HARBI1: variants seen among roughly 807,000 people sequenced by gnomAD.
HARBI1 encodes the protein harbinger transposase derived 1.
HARBI1 carries 15 observed loss-of-function variants against 25.3 expected under a neutral mutation model. That is an observed-to-expected ratio of 0.59 (90% CI 0.40 to 0.91). The LOEUF (loss-of-function observed/expected upper bound fraction) is 0.91, where lower values mean the gene tolerates loss of function less well. Ranked by LOEUF, HARBI1 falls within the 40% of genes least tolerant of loss-of-function variation. The pLI is 0.00. For missense variants in HARBI1, 396 were observed against 445.8 expected (o/e 0.89, Z 1.01); for synonymous variants, 168 against 160.5 (o/e 1.05, Z -0.35).
chr11:46,611,435 G>C (rs897486044), intron 2 of HARBI1, among the ~76,000 whole-genome samples: 1 of 152,148 alleles, frequency 6.6e-6, no homozygotes, highest in Non-Finnish European at 1.5e-5. Flanking sequence ...ACCGGGCAGG[G>C]TGCAGTAGCT....
At chr11:46,614,624 G>C (rs2045306811) in intron 2 of HARBI1, among the ~76,000 whole-genome samples, 1 of 151,986 alleles carries the variant, frequency 6.6e-6, no homozygotes, top group Non-Finnish European at 1.5e-5. Context: ...TAATTGTTTT[G>C]GAGACAGGGT....
rs772850336 is a variant in HARBI1 at position 46,615,652 on chromosome 11, T to A, written c.586A>T (p.Ser196Cys). The A allele has an allele frequency of 6.2e-7, 1 of 1,614,120 alleles. No homozygotes were observed. The highest frequency in any genetic ancestry group is 8.5e-7 in the Non-Finnish European group (1 of 1,180,048). ...TGCAGCACAGCACAGTCCTGTAGGC[T>A]GCCGGGCCAGTTTGTCTCCACGGTC... is the stretch of plus-strand genomic sequence containing the variant. ...LMTVETNWPG[S>C]LQDCAVLQQS... Residue 196 changes from serine (S) to cysteine (C), a missense_variant, in exon 2 of 3, where the codon AGC (serine) becomes TGC (cysteine). By Grantham distance (112) the Ser-to-Cys change is moderately radical. Coordinates refer to ENST00000326737, the MANE Select transcript of HARBI1 (RefSeq NM_173811.4).
intron 2 of HARBI1, among the ~76,000 whole-genome samples, chr11:46,613,934 G>A (rs1476622762): frequency 6.6e-6 from 1 of 152,008 alleles, no homozygotes; most frequent in Non-Finnish European, 1.5e-5. Flanking sequence ...ACTTCCCAAA[G>A]TGCTGGGATT....
chr11:46,617,160 AC>A lies in HARBI1; in HGVS notation c.-182del. 1.1e-5 allele frequency: 3 copies of A among 263,406 alleles called. No individual in the cohort carries two copies. The highest frequency in any genetic ancestry group is 1.8e-5 in the Non-Finnish European group (3 of 170,136). 16.3% of individuals were successfully genotyped at this position (263,406 alleles called of 1,614,324 possible). ...TGCCAGGTTACCAGCCACACTTCCC[AC>A]CCACCCAGCCGGGTTGGGCCCTCCT... On this transcript the variant is annotated 5_prime_UTR_variant, in exon 1 of 3. Coordinates refer to ENST00000326737, the MANE Select transcript of HARBI1 (RefSeq NM_173811.4).
At chr11:46,608,797 T>A (rs1565347331) in intron 2 of HARBI1, among the ~76,000 whole-genome samples, 1 of 151,288 alleles carries the variant, frequency 6.6e-6, no homozygotes, top group Non-Finnish European at 1.5e-5. Flanking sequence ...GTATTTTTAG[T>A]AGAGACAGGG....
At chr11:46,604,032 A>G (rs2044847497) in intron 2 of HARBI1, 123 bp from the exon 3 acceptor site, 5 of 1,416,400 alleles carry the variant, frequency 3.5e-6, no homozygotes, top group Admixed American at 3.0e-5. Flanking sequence ...GCCAAAGCAC[A>G]CTAGAAAAAC....
At chr11:46,616,855 A>AC (rs1411215205) in intron 1 of HARBI1, 4 of 951,594 alleles carry the variant, frequency 4.2e-6, no homozygotes, top group Non-Finnish European at 3.7e-6. Context: ...AAAAAAAAAA[A>AC]AAAAAAACAA....
intron 2 of HARBI1, among the ~76,000 whole-genome samples, chr11:46,615,134 A>G (rs2045328027): frequency 1.3e-5 from 2 of 149,542 alleles, no homozygotes; most frequent in South Asian, 4.2e-4. Flanking sequence ...CTGGTCTTAA[A>G]CTCCCAACCT....
intron 2 of HARBI1, among the ~76,000 whole-genome samples, chr11:46,606,123 C>A (rs1344655472): frequency 1.3e-5 from 2 of 150,996 alleles, no homozygotes; most frequent in African/African-American, 4.9e-5. Context: ...TGACCTCATG[C>A]GATCCACCCC....
At chr11:46,613,855 G>A (rs955984404) in intron 2 of HARBI1, among the ~76,000 whole-genome samples, 2 of 151,788 alleles carry the variant, frequency 1.3e-5, no homozygotes, top group Non-Finnish European at 2.9e-5. Context: ...ACTTTTCTGA[G>A]AGACATTGTC....
chr11:46,604,389 G>T, intron 2 of HARBI1: 1 of 864,674 alleles, frequency 1.2e-6, no homozygotes, highest in Non-Finnish European at 1.4e-6. Context: ...TGGGCGACAA[G>T]CGCGAAACTC....
Position 46,616,055 on chromosome 11 carries a change from A to C in HARBI1, c.183T>G (p.Thr61=). 1 of 1,614,242 alleles carries C rather than the reference A, an allele frequency of 6.2e-7. No homozygotes were observed. The highest frequency in any genetic ancestry group is 8.5e-7 in the Non-Finnish European group (1 of 1,180,046). ...CTGGGCTAATAGCCCTGGATCGCTG[A>C]GTAGGCCTAGAAAGATTCGCCCCCA... The part of the protein sequence containing the change: ...ELLGANLSRP[T]QRSRAISPET... The change falls in exon 2 of 3, where the codon ACT becomes ACG. Residue 61 remains threonine, a synonymous_variant. Coordinates refer to ENST00000326737, the MANE Select transcript of HARBI1 (RefSeq NM_173811.4).
intron 2 of HARBI1, among the ~76,000 whole-genome samples, chr11:46,613,645 G>C (rs2045270178): frequency 6.6e-6 from 1 of 151,904 alleles, no homozygotes; most frequent in Non-Finnish European, 1.5e-5. Flanking sequence ...ACCATGCCCT[G>C]ATAATTTTTG....
rs11038934 is a variant in HARBI1 at position 46,603,485 on chromosome 11, T to G, written c.*45A>C. On this transcript the variant is annotated 3_prime_UTR_variant, in exon 3 of 3. Transcript: ENST00000326737. The stretch of plus-strand genomic sequence containing the variant: ...GTGTAAAAGGTGATGAGGAGGAAAG[T>G]CTGTCACAACTCCTGGGAAGTATCC... The G allele has an allele frequency of 8.7e-3, 13,235 of 1,516,816 alleles. 1,043 individuals carry two copies. In the African/African-American group the frequency reaches 0.16, roughly 18 times the overall value. The allele number at this position is 1,516,816 out of a possible 1,614,324, so 94.0% of individuals were successfully genotyped here. A position where few individuals can be genotyped will look rare whatever the true frequency, so the allele number is the denominator to read the frequency against.
intron 1 of HARBI1, 136 bp downstream of exon 1, chr11:46,616,988 T>C (rs761562312): frequency 4.3e-5 from 42 of 985,194 alleles, no homozygotes; most frequent in Admixed American, 6.2e-5. Flanking sequence ...CCAGACACAT[T>C]GGAAGTCGGG....
intron 2 of HARBI1, among the ~76,000 whole-genome samples, chr11:46,605,246 C>T (rs2044893857): frequency 6.6e-6 from 1 of 152,130 alleles, no homozygotes; most frequent in East Asian, 1.9e-4. Flanking sequence ...CAGAGTTTTG[C>T]TCTGTCACCC....
rs1830872460 is a variant in HARBI1, at chr11:46,603,350, G to A, written c.*180C>T. 3.4e-6 allele frequency: 2 copies of A among 585,330 alleles called. No individual in the cohort carries two copies. The highest frequency in any genetic ancestry group is 1.8e-5 in the African/African-American group (1 of 54,112). 36.3% of individuals were successfully genotyped at this position (585,330 alleles called of 1,614,324 possible). A position where few individuals can be genotyped will look rare whatever the true frequency, so the allele number is the denominator to read the frequency against. ...TGGTTTCAGTTTAATTAATGCATATGCAAATGAATCAAGATATTCTGGCAT... is the reference window on the plus strand; with the variant it reads ...TGGTTTCAGTTTAATTAATGCATATACAAATGAATCAAGATATTCTGGCAT... On this transcript the variant is annotated 3_prime_UTR_variant, in exon 3 of 3. Transcript: ENST00000326737.
At chr11:46,616,831 CAAAAAAAAAAAAAAAAAAA>C (rs749013239) in intron 1 of HARBI1, 4 of 604,292 alleles carry the variant, frequency 6.6e-6, no homozygotes, top group Non-Finnish European at 7.3e-6. Context: ...AAAGAAGGGG[CAAAAAAAAAAAAAAAAAAA>C]AAAAAAAAAA....
In HARBI1 at chr11:46,615,974, C is replaced by A. The variant is rs779362941; in HGVS notation, c.264G>T (p.Arg88=). ...GACTGATTCCAATGGCATCTCCCAT[C>A]CGAGTCTGGAAGGAACCTGAGGTAT... ...GFYTSGSFQT[R]MGDAIGISQA... is the part of the protein sequence containing the mutation. The change falls in exon 2 of 3, where the codon CGG becomes CGT. Residue 88 remains arginine (R), a synonymous_variant. Coordinates refer to ENST00000326737, the MANE Select transcript of HARBI1 (RefSeq NM_173811.4). The A allele has an allele frequency of 6.2e-7, 1 of 1,614,212 alleles. No individual in the cohort carries two copies. The highest frequency in any genetic ancestry group is 1.1e-5 in the South Asian group (1 of 91,088).
Sources: allele counts gnomAD v4.1 joint callset (sites outside exome capture counted in the v4.1 genomes callset), GRCh38; gene constraint gnomAD v4.1.1; transcripts MANE v1.5; gene names NCBI Gene and HGNC (gene_info 2026-07-23, HGNC 2026-07-21).